R3HDM2: variants seen among roughly 807,000 people sequenced by gnomAD.
The protein encoded by R3HDM2 is R3H domain-containing protein 2.
A neutral mutation model predicts 124.5 loss-of-function variants in R3HDM2; 38 were observed. That is an observed-to-expected ratio of 0.31 (90% CI 0.24 to 0.40). The LOEUF (loss-of-function observed/expected upper bound fraction) is 0.40. R3HDM2 is among the 10% of genes least tolerant of loss of function. The pLI is 1.00. For missense variants in R3HDM2, 869 were observed against 1,236.9 expected (o/e 0.70, Z 4.46); for synonymous variants, 391 against 448.0 (o/e 0.87, Z 1.61).
chr12:57,352,241 C>CAAAAAAA (rs776229504), intron 2 of R3HDM2, among the ~76,000 whole-genome samples: 16 of 48,372 alleles, frequency 3.3e-4, no homozygotes, highest in Non-Finnish European at 4.8e-4. Flanking sequence ...GACTCCATCT[C>CAAAAAAA]AAAAAAAAAA....
At chr12:57,312,217 A>G (rs1446894126) in intron 2 of R3HDM2, among the ~76,000 whole-genome samples, 1 of 152,218 alleles carries the variant, frequency 6.6e-6, no homozygotes, top group African/African-American at 2.4e-5. Flanking sequence ...TTAAAGGGTA[A>G]GAAGGGTAAG....
chr12:57,335,339 C>T (rs185340406), intron 2 of R3HDM2, among the ~76,000 whole-genome samples: 173 of 151,860 alleles, frequency 1.1e-3, no homozygotes, highest in African/African-American at 4.0e-3. Flanking sequence ...TCCCAAGTAG[C>T]TGGGACTACA....
intron 4 of R3HDM2, among the ~76,000 whole-genome samples, 157 bp downstream of exon 4, chr12:57,303,019 G>C (rs961953329): frequency 5.3e-5 from 8 of 152,196 alleles, no homozygotes; most frequent in Non-Finnish European, 1.2e-4. Flanking sequence ...GTGTACATGT[G>C]TGTATGCACA....
chr12:57,261,484 A>G (rs955186777), intron 19 of R3HDM2, among the ~76,000 whole-genome samples: 1 of 152,124 alleles, frequency 6.6e-6, no homozygotes, highest in Non-Finnish European at 1.5e-5. Context: ...GCTATTAGGG[A>G]GGTCACAGGG....
At chr12:57,423,580 G>C (rs1456549724) in intron 1 of R3HDM2, among the ~76,000 whole-genome samples, 1 of 151,988 alleles carries the variant, frequency 6.6e-6, no homozygotes. Flanking sequence ...GGGAGGCCGA[G>C]GCGGGTGGAC....
chr12:57,361,450 C>A (rs2061958702), intron 2 of R3HDM2, among the ~76,000 whole-genome samples: 2 of 147,550 alleles, frequency 1.4e-5, no homozygotes, highest in African/African-American at 5.0e-5. Context: ...CTTTGGGAAA[C>A]TGAGGCAGGA....
intron 2 of R3HDM2, among the ~76,000 whole-genome samples, chr12:57,336,777 G>A (rs962256839): frequency 6.7e-6 from 1 of 150,162 alleles, no homozygotes. Context: ...ATGTTTACCT[G>A]TGTAACAAAC....
chr12:57,364,211 G>A lies in R3HDM2; in HGVS notation c.-36+31538C>T, dbSNP rs1424968255. Among the ~76,000 whole-genome samples the A allele has an allele frequency of 2.1e-5, 3 of 140,890 alleles. No homozygotes were observed. In the East Asian group the frequency reaches 6.4e-4, roughly 30 times the overall value. The allele number at this position is 140,890 out of a possible 152,430, so 92.4% of individuals were successfully genotyped here. The stretch of plus-strand genomic sequence containing the variant: ...CACCCAGGTTGGAGTGCAGTGGTGC[G>A]ATCTCAGTCAACTGCAACCTTCACC... On this transcript the variant is annotated intron_variant, in intron 2 of 23. Coordinates refer to ENST00000402412, the MANE Select transcript of R3HDM2 (RefSeq NM_001394031.1).
intron 1 of R3HDM2, among the ~76,000 whole-genome samples, chr12:57,421,963 G>C (rs1282582280): frequency 1.3e-5 from 2 of 151,954 alleles, no homozygotes; most frequent in Non-Finnish European, 2.9e-5. Flanking sequence ...GGGTGTGGTG[G>C]CGTGCACCTG....
intron 2 of R3HDM2, among the ~76,000 whole-genome samples, chr12:57,377,900 C>T (rs2064306305): frequency 6.6e-6 from 1 of 152,114 alleles, no homozygotes; most frequent in African/African-American, 2.4e-5. Flanking sequence ...CCAGCCTGAC[C>T]AACGTGGTAA....
intron 1 of R3HDM2, among the ~76,000 whole-genome samples, chr12:57,426,309 T>A (rs2070735834): frequency 6.6e-6 from 1 of 152,178 alleles, no homozygotes; most frequent in South Asian, 2.1e-4. Context: ...CTCCTTTTTA[T>A]CCTCAAACTT....
At chr12:57,293,458 AC>A (rs2049059641) in intron 10 of R3HDM2, among the ~76,000 whole-genome samples, 1 of 151,872 alleles carries the variant, frequency 6.6e-6, no homozygotes, top group Non-Finnish European at 1.5e-5. Flanking sequence ...ATAGAGAAGA[AC>A]CTTACATTCT....
intron 2 of R3HDM2, among the ~76,000 whole-genome samples, chr12:57,342,051 A>G (rs148147348): frequency 1.3e-5 from 2 of 152,352 alleles, no homozygotes; most frequent in Non-Finnish European, 2.9e-5. Flanking sequence ...TAATTTCCCT[A>G]GTGTGTACTA....
intron 1 of R3HDM2, among the ~76,000 whole-genome samples, chr12:57,424,302 C>T (rs921404496): frequency 2.0e-5 from 3 of 151,670 alleles, no homozygotes; most frequent in African/African-American, 7.3e-5. Context: ...GGATTACAGG[C>T]ATGTGATACC....
intron 1 of R3HDM2, among the ~76,000 whole-genome samples, chr12:57,410,199 T>C (rs1486643724): frequency 1.3e-5 from 2 of 152,048 alleles, no homozygotes; most frequent in East Asian, 3.9e-4. Flanking sequence ...AACTTATTTT[T>C]CATTTAAATG....
chr12:57,405,622 A>C (rs2068458312), intron 1 of R3HDM2, among the ~76,000 whole-genome samples: 1 of 152,180 alleles, frequency 6.6e-6, no homozygotes, highest in Admixed American at 6.6e-5. Flanking sequence ...TGACAGAGTG[A>C]GACTGTCTCA....
chr12:57,349,483 C>T (rs2060462742), intron 2 of R3HDM2, among the ~76,000 whole-genome samples: 1 of 150,326 alleles, frequency 6.7e-6, no homozygotes, highest in Non-Finnish European at 1.5e-5. Context: ...TTTTATCATG[C>T]AGTTAATTCC....
At chr12:57,270,713 C>T (rs762742377) in intron 14 of R3HDM2, among the ~76,000 whole-genome samples, 4 of 151,708 alleles carry the variant, frequency 2.6e-5, no homozygotes, top group Non-Finnish European at 5.9e-5. Context: ...GGATTACAGG[C>T]GTGAGCCACC....
intron 4 of R3HDM2, 148 bp from the exon 5 acceptor site, chr12:57,300,329 C>T (rs1445170245): frequency 1.6e-6 from 1 of 633,392 alleles, no homozygotes; most frequent in Non-Finnish European, 2.8e-6. Flanking sequence ...GGGTTTTTTT[C>T]AAACGGGTCC....
Sources: gnomAD v4.1 joint callset for allele counts (sites outside exome capture counted in the v4.1 genomes callset) on GRCh38, gnomAD v4.1.1 for gene constraint, MANE v1.5 for transcripts, NCBI Gene and HGNC (gene_info 2026-07-23, HGNC 2026-07-21) for gene names.